NINL: variants seen among roughly 807,000 people sequenced by gnomAD.
The protein encoded by NINL is ninein like, also known as ninein-like protein.
A neutral mutation model predicts 160.3 loss-of-function variants in NINL; 153 were observed. That is an observed-to-expected ratio of 0.95 (90% CI 0.84 to 1.09). The LOEUF is 1.09. Among genes scored for constraint, NINL ranks in the 50% least tolerant of loss-of-function variants. The pLI is 0.00. For synonymous variants in NINL, 800 were observed against 734.8 expected (o/e 1.09, Z -1.43); for missense variants, 1,829 against 1,764.0 (o/e 1.04, Z -0.66).
Position 25,476,336 on chromosome 20 carries a change from G to A in NINL, c.2955C>T (p.Ser985=). 1 of 1,612,592 alleles carries A rather than the reference G, an allele frequency of 6.2e-7. No individual in the cohort carries two copies. The highest frequency in any genetic ancestry group is 8.5e-7 in the Non-Finnish European group (1 of 1,179,924). The change falls in exon 17 of 24, where the codon AGC becomes AGT. Residue 985 remains serine (S), a synonymous_variant. Coordinates refer to ENST00000278886, the MANE Select transcript of NINL (RefSeq NM_025176.6). ...CCTGCTCCTGGGTGCCCCTGCTCCA[G>A]CTTCGTGCTCGCTCTTCCTGAATGG... ...LQAIQEERAR[S]WSRGTQEQAS... is the part of the protein sequence containing the mutation.
At chr20:25,525,401 T>G (rs409873) in intron 2 of NINL, among the ~76,000 whole-genome samples, 2 of 152,150 alleles carry the variant, frequency 1.3e-5, no homozygotes, top group Non-Finnish European at 2.9e-5. Context: ...CTTGTAATCA[T>G]AGCACTTTGG....
chr20:25,565,848 C>T (rs779509341), intron 1 of NINL, among the ~76,000 whole-genome samples: 4 of 152,178 alleles, frequency 2.6e-5, no homozygotes, highest in Non-Finnish European at 5.9e-5. Context: ...ATCTGCTGAG[C>T]TGCCATGCAC....
chr20:25,461,584 G>A lies in NINL; in HGVS notation c.3634C>T (p.His1212Tyr), dbSNP rs2062786763. 1 of 1,610,102 alleles carries A rather than the reference G, an allele frequency of 6.2e-7. No homozygotes were observed. Among genetic ancestry groups the A allele is most frequent in the Admixed American group, 1.7e-5 (1 of 59,020 alleles). Reference protein sequence around the residue: ...RVELECLNQEHQSLQLPWSEL... With the variant: ...RVELECLNQEYQSLQLPWSEL... ...GACCATGGCAGCTGCAGGCTCTGAT[G>A]TTCCTGATTCAGGCATTCAAGTTCA... is the stretch of plus-strand genomic sequence containing the variant. Residue 1212 changes from histidine (H) to tyrosine (Y), a missense_variant, in exon 21 of 24, where the codon CAT becomes TAT. Physicochemically the swap from His to Tyr is moderately conservative, Grantham distance 83. Coordinates refer to ENST00000278886, the MANE Select transcript of NINL (RefSeq NM_025176.6).
intron 1 of NINL, among the ~76,000 whole-genome samples, chr20:25,535,221 G>A (rs997619653): frequency 1.3e-5 from 2 of 152,188 alleles, no homozygotes; most frequent in Non-Finnish European, 2.9e-5. Context: ...GCAGCTGGCC[G>A]CAGAGAAGCT....
intron 13 of NINL, among the ~76,000 whole-genome samples, chr20:25,482,330 T>TTATTTTTACTG (rs1383231010): frequency 2.6e-5 from 4 of 152,174 alleles, no homozygotes; most frequent in African/African-American, 9.7e-5. Context: ...TTAAAAACTT[T>TTATTTTTACTG]TATTTTTACT....
rs190902552 is a variant in NINL, at chr20:25,530,973, C to T, written c.-11-4375G>A. On this transcript the variant is annotated intron_variant, in intron 1 of 23. Transcript: ENST00000278886. ...TTTATTAGGTGGGCATTTCCTCGTC[C>T]TAATAAGCCTGGGAGCGCTACGGGA... 5.0e-4 allele frequency among the ~76,000 whole-genome samples: 76 copies of T among 152,236 alleles called. No homozygotes were observed. The East Asian group carries it at 5.4e-3, about 11-fold the overall frequency.
intron 16 of NINL, among the ~76,000 whole-genome samples, chr20:25,477,783 T>G (rs867743221): frequency 6.6e-6 from 1 of 152,128 alleles, no homozygotes; most frequent in African/African-American, 2.4e-5. Flanking sequence ...AGGGCCTGGA[T>G]GCTGAGAGGA....
chr20:25,517,285 C>T (rs1350599805), intron 3 of NINL, among the ~76,000 whole-genome samples: 1 of 152,066 alleles, frequency 6.6e-6, no homozygotes, highest in African/African-American at 2.4e-5. Context: ...ATTTCACACC[C>T]TCCTGACACG....
At chr20:25,524,288 A>G (rs1451595191) in intron 2 of NINL, among the ~76,000 whole-genome samples, 2 of 152,222 alleles carry the variant, frequency 1.3e-5, no homozygotes, top group East Asian at 3.9e-4. Context: ...TGCTCTCGAA[A>G]TGTTACAGAG....
intron 1 of NINL, among the ~76,000 whole-genome samples, chr20:25,568,581 T>A (rs995670462): frequency 2.6e-5 from 4 of 151,900 alleles, no homozygotes; most frequent in African/African-American, 9.7e-5. Context: ...GCTTATTTTT[T>A]AAATTTTTTT....
Position 25,510,667 on chromosome 20 carries a change from G to C in NINL, c.517+7C>G, listed in dbSNP as rs767199795. ...AGAGAGCACTGAATGCGAGGCTGAG[G>C]CTTTACCTTGTGCTTCAAATAATTC... On this transcript the variant is annotated splice_region_variant and intron_variant, in intron 5 of 23. Transcript: ENST00000278886. 1.2e-6 allele frequency: 2 copies of C among 1,613,296 alleles called. No homozygotes were observed. Among genetic ancestry groups the C allele is most frequent in the Admixed American group, 3.3e-5 (2 of 60,030 alleles).
intron 1 of NINL, among the ~76,000 whole-genome samples, chr20:25,563,721 C>T (rs73337356): frequency 0.088 from 13,351 of 152,074 alleles, 972 homozygotes; most frequent in African/African-American, 0.2. Flanking sequence ...TAATGTGAGA[C>T]AGCCATATTA....
chr20:25,483,830 G>T (rs1478179074), intron 13 of NINL, among the ~76,000 whole-genome samples: 1 of 152,260 alleles, frequency 6.6e-6, no homozygotes, highest in South Asian at 2.1e-4. Flanking sequence ...AGACCTTCAG[G>T]AAGCAGACAT....
intron 14 of NINL, 51 bp downstream of exon 14, chr20:25,481,914 CTTG>C: frequency 6.4e-7 from 1 of 1,574,330 alleles, no homozygotes; most frequent in Non-Finnish European, 8.6e-7. Context: ...GGCTCTGGGC[CTTG>C]TTGTCAACAG....
chr20:25,573,748 T>G (rs2065081821), intron 1 of NINL, among the ~76,000 whole-genome samples: 1 of 152,246 alleles, frequency 6.6e-6, no homozygotes, highest in Admixed American at 6.5e-5. Flanking sequence ...AATCCTGGGC[T>G]GATGCAGTTT....
chr20:25,553,104 G>GTTTTTTTTTTTT (rs3036846), intron 1 of NINL, among the ~76,000 whole-genome samples: 4 of 100,118 alleles, frequency 4.0e-5, no homozygotes, highest in Admixed American at 1.5e-4. Context: ...CCCTTGTTGG[G>GTTTTTTTTTTTT]TTTTTTTTTT....
At chr20:25,483,893 C>T (rs372232540) in intron 13 of NINL, among the ~76,000 whole-genome samples, 23 of 152,240 alleles carry the variant, frequency 1.5e-4, no homozygotes, top group African/African-American at 5.3e-4. Flanking sequence ...CCTCGGTCCC[C>T]AGCCCTGCAG....
chr20:25,520,300 T>C (rs1381850362), intron 2 of NINL, among the ~76,000 whole-genome samples: 4 of 152,122 alleles, frequency 2.6e-5, no homozygotes, highest in Admixed American at 1.3e-4. Context: ...CTGGTCAAAA[T>C]ATCACCACTA....
At position 25,543,811 on chromosome 20, in the gene NINL, C is replaced by T. The variant is rs529233253; in HGVS notation, c.-11-17213G>A. 2.6e-5 allele frequency among the ~76,000 whole-genome samples: 4 copies of T among 152,192 alleles called. No homozygotes were observed. The East Asian group carries it at 5.8e-4, about 22-fold the overall frequency. Reference sequence around the variant, plus strand: ...GAAAGCAACCAACTGCAGGCCACCACGTCGTTTCCATGAGGTGAGCATGAA... The same window carrying T: ...GAAAGCAACCAACTGCAGGCCACCATGTCGTTTCCATGAGGTGAGCATGAA... On this transcript the variant is annotated intron_variant, in intron 1 of 23. Coordinates refer to ENST00000278886, the MANE Select transcript of NINL (RefSeq NM_025176.6).
Sources: allele counts gnomAD v4.1 joint callset (sites outside exome capture counted in the v4.1 genomes callset), GRCh38; gene constraint gnomAD v4.1.1; transcripts MANE v1.5; gene names NCBI Gene and HGNC (gene_info 2026-07-23, HGNC 2026-07-21).